Variants in TTC28 observed in about 807,000 individuals in gnomAD.
The protein encoded by TTC28 is tetratricopeptide repeat domain 28.
In TTC28, 61 loss-of-function variants were observed where a neutral mutation model predicts 198.0. The observed-to-expected ratio is 0.31, with a 90% CI of 0.25 to 0.38. TTC28 has a LOEUF of 0.38. TTC28 is among the 10% of genes least tolerant of loss of function. TTC28 has a pLI of 1.00. For missense variants in TTC28, 2,678 were observed against 3,164.0 expected (o/e 0.85, Z 3.69); for synonymous variants, 1,171 against 1,297.8 (o/e 0.90, Z 2.10).
intron 2 of TTC28, among the ~76,000 whole-genome samples, chr22:28,610,823 GA>G (rs1569058420): frequency 6.6e-6 from 1 of 151,974 alleles, no homozygotes; most frequent in Non-Finnish European, 1.5e-5. Context: ...TAAGAACCTT[GA>G]AAAAAGGTCA....
Position 27,985,364 on chromosome 22 carries a change from A to T in TTC28, c.5708-8T>A. ...CTTCACAGAGATCAAAACCTAGAGGAACAAAGAATATAAGCATCTGCTTCC... is the reference window on the plus strand; with the variant it reads ...CTTCACAGAGATCAAAACCTAGAGGTACAAAGAATATAAGCATCTGCTTCC... On this transcript the variant is annotated splice_region_variant and splice_polypyrimidine_tract_variant and intron_variant, in intron 21 of 22. Coordinates refer to ENST00000397906, the MANE Select transcript of TTC28 (RefSeq NM_001145418.2). 6.5e-7 allele frequency: 1 copy of T among 1,545,974 alleles called. No individual in the cohort carries two copies. Among genetic ancestry groups the T allele is most frequent in the Non-Finnish European group, 8.8e-7 (1 of 1,142,116 alleles).
chr22:28,250,459 C>A lies in TTC28; in HGVS notation c.933+45739G>T, dbSNP rs142306239. On this transcript the variant is annotated intron_variant, in intron 5 of 22. Coordinates refer to ENST00000397906, the MANE Select transcript of TTC28 (RefSeq NM_001145418.2). ...AGTCCAGTCAGTCATCCTTTGGTAT[C>A]CGTAAGAGGTATCTGTGGTATCTGT... Among the ~76,000 whole-genome samples, 1,332 of 152,222 alleles carry A rather than the reference C, an allele frequency of 8.8e-3. 32 individuals are homozygous for A. The highest frequency in any genetic ancestry group is 0.082 in the East Asian group (425 of 5,186).
At chr22:28,556,932 GTGATC>G (rs1264741402) in intron 2 of TTC28, among the ~76,000 whole-genome samples, 2 of 152,196 alleles carry the variant, frequency 1.3e-5, no homozygotes, top group Non-Finnish European at 2.9e-5. Flanking sequence ...TCCAGAGTGA[GTGATC>G]CAAGAATGGG....
At chr22:28,210,286 G>C (rs1982408401) in intron 5 of TTC28, among the ~76,000 whole-genome samples, 1 of 152,158 alleles carries the variant, frequency 6.6e-6, no homozygotes, top group African/African-American at 2.4e-5. Flanking sequence ...GCTGGATGGA[G>C]AATGACTTTG....
At chr22:28,481,044 A>G (rs2048240651) in intron 2 of TTC28, among the ~76,000 whole-genome samples, 3 of 152,148 alleles carry the variant, frequency 2.0e-5, no homozygotes, top group African/African-American at 7.2e-5. Context: ...GTTCAAGTCT[A>G]ATTCCATAAC....
At chr22:28,613,103 G>A (rs2050847095) in intron 2 of TTC28, among the ~76,000 whole-genome samples, 1 of 151,792 alleles carries the variant, frequency 6.6e-6, no homozygotes, top group South Asian at 2.1e-4. Context: ...TAATGAAGAA[G>A]AAAAGAGAGA....
At chr22:28,102,904 G>A (rs1309901566) in intron 8 of TTC28, among the ~76,000 whole-genome samples, 1 of 152,170 alleles carries the variant, frequency 6.6e-6, no homozygotes, top group African/African-American at 2.4e-5. Context: ...GATGGTTCTT[G>A]GGAGAAAACC....
At chr22:28,395,737 C>A (rs543649003) in intron 2 of TTC28, among the ~76,000 whole-genome samples, 123 of 151,936 alleles carry the variant, frequency 8.1e-4, no homozygotes, top group African/African-American at 2.8e-3. Flanking sequence ...CTGTTTTACC[C>A]CTGACATATG....
chr22:28,519,779 T>G (rs1257743111), intron 2 of TTC28, among the ~76,000 whole-genome samples: 1 of 152,250 alleles, frequency 6.6e-6, no homozygotes, highest in Non-Finnish European at 1.5e-5. Context: ...GTTAGTCAAC[T>G]TGCAATATAA....
chr22:28,131,861 T>G (rs924553463), intron 6 of TTC28, among the ~76,000 whole-genome samples: 2 of 152,222 alleles, frequency 1.3e-5, no homozygotes, highest in African/African-American at 4.8e-5. Flanking sequence ...TTTTTATTAT[T>G]AATATATAGC....
rs147459180 is a variant in TTC28, at chr22:28,364,845, T to C, written c.382-58202A>G. Among the ~76,000 whole-genome samples the C allele has an allele frequency of 3.6e-3, 550 of 152,330 alleles. 3 individuals carry two copies. The highest frequency in any genetic ancestry group is 0.013 in the African/African-American group (532 of 41,578). On this transcript the variant is annotated intron_variant, in intron 2 of 22. Coordinates refer to ENST00000397906, the MANE Select transcript of TTC28 (RefSeq NM_001145418.2). ...TGAGAAAAGTAAATGGTTCTTGAGA[T>C]AGAAACTACTCCTGGTAAAGATGCT...
chr22:28,236,650 T>C (rs770600241), intron 5 of TTC28, among the ~76,000 whole-genome samples: 3 of 152,238 alleles, frequency 2.0e-5, no homozygotes, highest in South Asian at 2.1e-4. Flanking sequence ...TTAGTGGAAA[T>C]AGAGTTTAAG....
At chr22:28,477,687 C>A (rs1441769419) in intron 2 of TTC28, among the ~76,000 whole-genome samples, 2 of 152,166 alleles carry the variant, frequency 1.3e-5, no homozygotes, top group African/African-American at 2.4e-5. Flanking sequence ...AGCTTTCCAG[C>A]ATCTTTGTAG....
intron 5 of TTC28, among the ~76,000 whole-genome samples, chr22:28,248,756 T>A (rs1412686426): frequency 6.6e-6 from 1 of 152,188 alleles, no homozygotes; most frequent in Non-Finnish European, 1.5e-5. Flanking sequence ...TTTCAAGTCA[T>A]CGTTTTTTGC....
At chr22:28,138,232 G>C (rs991684754) in intron 6 of TTC28, among the ~76,000 whole-genome samples, 2 of 152,094 alleles carry the variant, frequency 1.3e-5, no homozygotes, top group Non-Finnish European at 2.9e-5. Flanking sequence ...ACAAATATCT[G>C]ACACAGAAAT....
At chr22:28,538,125 G>C (rs1026706925) in intron 2 of TTC28, among the ~76,000 whole-genome samples, 1 of 152,112 alleles carries the variant, frequency 6.6e-6, no homozygotes, top group Non-Finnish European at 1.5e-5. Flanking sequence ...TCGCTCTGTT[G>C]CCAGGCTAGA....
At chr22:28,580,001 CAT>C (rs1491376370) in intron 2 of TTC28, among the ~76,000 whole-genome samples, 4 of 151,790 alleles carry the variant, frequency 2.6e-5, no homozygotes, top group African/African-American at 7.3e-5. Flanking sequence ...CACACACACA[CAT>C]ACACACACAC....
At chr22:28,181,654 A>G (rs1923711121) in intron 5 of TTC28, among the ~76,000 whole-genome samples, 1 of 152,190 alleles carries the variant, frequency 6.6e-6, no homozygotes, top group Non-Finnish European at 1.5e-5. Context: ...GAAGGACTAT[A>G]AATGGTGAGG....
At chr22:28,556,526 T>C (rs1176942829) in intron 2 of TTC28, among the ~76,000 whole-genome samples, 3 of 152,246 alleles carry the variant, frequency 2.0e-5, no homozygotes, top group Non-Finnish European at 4.4e-5. Flanking sequence ...CTCTAAGTAA[T>C]CCATCTTTTC....
Sources: allele counts gnomAD v4.1 joint callset (sites outside exome capture counted in the v4.1 genomes callset), GRCh38; gene constraint gnomAD v4.1.1; transcripts MANE v1.5; gene names NCBI Gene and HGNC (gene_info 2026-07-23, HGNC 2026-07-21).